The following PABIR2 variants were observed in gnomAD, a reference collection of about 807,000 sequenced individuals.
The protein encoded by PABIR2 is PABIR family member 2.
In PABIR2, 7 loss-of-function variants were observed where a neutral mutation model predicts 22.8. That is an observed-to-expected ratio of 0.31 (90% CI 0.17 to 0.58). The LOEUF (loss-of-function observed/expected upper bound fraction) is 0.58. Ranked by LOEUF, PABIR2 falls within the 20% of genes least tolerant of loss-of-function variation. The pLI, the probability that PABIR2 is intolerant of heterozygous loss-of-function variation, is 0.89. For missense variants in PABIR2, 155 were observed against 205.1 expected (o/e 0.76, Z 1.49); for synonymous variants, 67 against 73.8 (o/e 0.91, Z 0.47).
intron 1 of PABIR2, 104 bp from the exon 2 acceptor site, chrX:134,793,997 G>C: frequency 8.9e-7 from 1 of 1,121,542 alleles, no homozygotes; most frequent in South Asian, 2.2e-5. Context: ...AGTTAACAAC[G>C]AAATCTTCCA....
intron 6 of PABIR2, 77 bp from the exon 7 acceptor site, chrX:134,787,610 C>CTTTTTTTTTTT (rs1179720154): frequency 1.7e-5 from 5 of 292,463 alleles, no homozygotes; most frequent in Admixed American, 7.1e-5. Flanking sequence ...AGTTTTCTTT[C>CTTTTTTTTTTT]TTTTTTTTTT....
chrX:134,788,900 C>A, intron 5 of PABIR2, 69 bp from the exon 6 acceptor site: 1 of 1,044,067 alleles, frequency 9.6e-7, no homozygotes, highest in Non-Finnish European at 1.3e-6. Context: ...ACTACTATAA[C>A]ACACCCAGAT....
At chrX:134,783,206 A>G (rs1166773385) in intron 8 of PABIR2, among the ~76,000 whole-genome samples, 1 of 112,609 alleles carries the variant, frequency 8.9e-6, no homozygotes, top group East Asian at 2.8e-4. Context: ...AATAAAACTT[A>G]TAAACTAAAT....
At chrX:134,785,447 T>G (rs1160841654) in intron 8 of PABIR2, among the ~76,000 whole-genome samples, 1 of 104,296 alleles carries the variant, frequency 9.6e-6, no homozygotes, top group Non-Finnish European at 2.0e-5. Flanking sequence ...TCACAGTCAA[T>G]TTTTTTTTTT....
chrX:134,777,412 G>C (rs1205180505), intron 9 of PABIR2, among the ~76,000 whole-genome samples: 1 of 109,648 alleles, frequency 9.1e-6, no homozygotes, highest in Admixed American at 9.8e-5. Context: ...TGTAGTCCCA[G>C]CTATTCGGGA....
chrX:134,793,556 C>T, intron 2 of PABIR2: 1 of 444,114 alleles, frequency 2.3e-6, no homozygotes, highest in Non-Finnish European at 4.1e-6. Flanking sequence ...ACTTACCTCA[C>T]AAGCCTGATG....
At position 134,771,597 on chromosome X, in the gene PABIR2, C is replaced by T; in HGVS notation, c.*542G>A. The T allele has an allele frequency of 1.1e-6, 1 of 899,712 alleles. No homozygotes were observed. Among genetic ancestry groups the T allele is most frequent in the Non-Finnish European group, 1.4e-6 (1 of 732,893 alleles). 74.1% of individuals were successfully genotyped at this position (899,712 alleles called of 1,213,427 possible). On this transcript the variant is annotated 3_prime_UTR_variant, in exon 10 of 10. Coordinates refer to ENST00000343004, the MANE Select transcript of PABIR2 (RefSeq NM_001387468.1). ...TCTGTGAGAAATGGCATAAGCGGCTCAAACAGGAAAGGGAAACAAAATAAT... is the reference window on the plus strand; with the variant it reads ...TCTGTGAGAAATGGCATAAGCGGCTTAAACAGGAAAGGGAAACAAAATAAT...
intron 2 of PABIR2, among the ~76,000 whole-genome samples, chrX:134,792,984 T>G (rs944487256): frequency 8.9e-6 from 1 of 111,999 alleles, no homozygotes; most frequent in Non-Finnish European, 1.9e-5. Context: ...AAAACATCTG[T>G]TTTTCAGTTT....
Position 134,789,643 on chromosome X carries a change from A to G in PABIR2, c.178-7T>C, listed in dbSNP as rs1210039187. 2.6e-6 allele frequency: 3 copies of G among 1,150,201 alleles called. No individual in the cohort carries two copies. The highest frequency in any genetic ancestry group is 5.2e-5 in the Admixed American group (2 of 38,511). 94.8% of individuals were successfully genotyped at this position (1,150,201 alleles called of 1,213,427 possible). On this transcript the variant is annotated splice_polypyrimidine_tract_variant and splice_region_variant and intron_variant, in intron 2 of 9. Transcript: ENST00000343004. ...TAGGTGAGGATGACAGCAACTGGAA[A>G]GAAAAAGTAAACATTTACTATTTTC...
chrX:134,786,917 C>T (rs1446541598), intron 7 of PABIR2, among the ~76,000 whole-genome samples: 1 of 110,524 alleles, frequency 9.0e-6, no homozygotes, highest in East Asian at 2.9e-4. Flanking sequence ...CACTACTGCA[C>T]TCTAGCCTGG....
chrX:134,781,247 A>T lies in PABIR2; in HGVS notation c.659+574T>A, dbSNP rs1164840891. ...TGACTTTGAAATAATCTGTTTTTTC[A>T]CATTATCCTCCATAGAGATTTCCCC... On this transcript the variant is annotated intron_variant, in intron 9 of 9. Transcript: ENST00000343004. 2.7e-5 allele frequency among the ~76,000 whole-genome samples: 3 copies of T among 112,888 alleles called. No individual in the cohort carries two copies. The East Asian group carries it at 8.3e-4, about 31-fold the overall frequency.
At chrX:134,784,937 T>G (rs1366800671) in intron 8 of PABIR2, among the ~76,000 whole-genome samples, 1 of 111,889 alleles carries the variant, frequency 8.9e-6, no homozygotes, top group Non-Finnish European at 1.9e-5. Flanking sequence ...AATTCTTGCT[T>G]TGATGAGGCA....
At position 134,769,607 on chromosome X, in the gene PABIR2, C is replaced by G. The variant is rs903971396; in HGVS notation, c.*2532G>C. ...ATACACACTTTATTAAATTTGCATTCTAAGATATACACAAGGCCAGCATTT... is the reference window on the plus strand; with the variant it reads ...ATACACACTTTATTAAATTTGCATTGTAAGATATACACAAGGCCAGCATTT... On this transcript the variant is annotated 3_prime_UTR_variant, in exon 10 of 10. Transcript: ENST00000343004. 2.7e-5 allele frequency: 3 copies of G among 111,794 alleles called. No homozygotes were observed. The highest frequency in any genetic ancestry group is 5.6e-5 in the Non-Finnish European group (3 of 53,171). The allele number at this position is 111,794 out of a possible 1,213,427, so 9.2% of individuals were successfully genotyped here.
At chrX:134,774,884 C>A (rs1427340280) in intron 9 of PABIR2, among the ~76,000 whole-genome samples, 1 of 111,975 alleles carries the variant, frequency 8.9e-6, no homozygotes, top group Non-Finnish European at 1.9e-5. Context: ...CGTCACAAAT[C>A]ACTCATTGTT....
intron 9 of PABIR2, among the ~76,000 whole-genome samples, chrX:134,776,220 T>C (rs1276456509): frequency 8.9e-6 from 1 of 112,104 alleles, no homozygotes; most frequent in African/African-American, 3.2e-5. Flanking sequence ...ACATGACACA[T>C]ATAACATTAA....
chrX:134,794,310 A>G (rs73568749), intron 1 of PABIR2, among the ~76,000 whole-genome samples: 1,390 of 111,850 alleles, frequency 0.012, 20 homozygotes, highest in African/African-American at 0.044. Flanking sequence ...TTGTTCTACA[A>G]TATGAGCTGG....
intron 2 of PABIR2, among the ~76,000 whole-genome samples, chrX:134,792,381 T>C (rs758862955): frequency 1.0e-3 from 114 of 112,089 alleles, no homozygotes; most frequent in African/African-American, 3.6e-3. Context: ...CAAATTCACT[T>C]TCCCTTCTTT....
In PABIR2 at chrX:134,770,387, G is replaced by A. The variant is rs987209969; in HGVS notation, c.*1752C>T. Reference sequence around the variant, plus strand: ...AATACAAGAAATAAAGCCATTAATGGCTGTTATGGTTACAATTTAAAATAA... The same window carrying A: ...AATACAAGAAATAAAGCCATTAATGACTGTTATGGTTACAATTTAAAATAA... On this transcript the variant is annotated 3_prime_UTR_variant, in exon 10 of 10. Transcript: ENST00000343004. 1.5e-4 allele frequency: 17 copies of A among 112,520 alleles called. No homozygotes were observed. Among genetic ancestry groups the A allele is most frequent in the African/African-American group, 5.2e-4 (16 of 30,928 alleles). The allele number at this position is 112,520 out of a possible 1,213,427, so 9.3% of individuals were successfully genotyped here.
At position 134,796,131 on chromosome X, in the gene PABIR2, G is replaced by A. The variant is rs761795562; in HGVS notation, c.75C>T (p.Ser25=). The A allele has an allele frequency of 9.9e-6, 12 of 1,208,198 alleles. No homozygotes were observed. The Admixed American group carries it at 2.6e-4, about 27-fold the overall frequency. ...SYGGTLRRSS[S]APLIHGLSDL... ...ACCTGAGCCCATGGATTAGGGGAGC[G>A]CTGCTGGATCTCCTCAGGGTTCCCC... Residue 25 remains serine, a synonymous_variant, in exon 1 of 10, where the codon AGC becomes AGT. Transcript: ENST00000343004.
Sources: allele counts gnomAD v4.1 joint callset (sites outside exome capture counted in the v4.1 genomes callset), GRCh38; gene constraint gnomAD v4.1.1; transcripts MANE v1.5; gene names NCBI Gene and HGNC (gene_info 2026-07-23, HGNC 2026-07-21).